NLGN4X: variants seen among roughly 807,000 people sequenced by gnomAD.
The protein encoded by NLGN4X is neuroligin 4 X-linked, also known as neuroligin-4, X-linked.
Under a neutral mutation model 40.3 loss-of-function variants are expected in NLGN4X, and 3 were observed. The observed-to-expected ratio is 0.07, with a 90% CI of 0.03 to 0.19. The LOEUF (loss-of-function observed/expected upper bound fraction) is 0.19, where lower values mean the gene tolerates loss of function less well. Among genes scored for constraint, NLGN4X ranks in the 10% least tolerant of loss-of-function variants. NLGN4X has a pLI of 1.00. For missense variants in NLGN4X, 382 were observed against 708.3 expected (o/e 0.54, Z 5.23); for synonymous variants, 270 against 306.8 (o/e 0.88, Z 1.25).
intron 3 of NLGN4X, among the ~76,000 whole-genome samples, chrX:5,925,879 C>CATATATATATATATAT (rs2033268045): frequency 4.3e-5 from 2 of 46,822 alleles, no homozygotes; most frequent in Non-Finnish European, 7.8e-5. Context: ...TATACATACA[C>CATATATATATATATAT]ACATATATAT....
intron 2 of NLGN4X, among the ~76,000 whole-genome samples, chrX:6,033,602 A>T (rs930400984): frequency 8.9e-6 from 1 of 112,382 alleles, no homozygotes; most frequent in African/African-American, 3.2e-5. Context: ...ATATCATTTG[A>T]AAGTTATTGG....
chrX:6,135,836 G>A (rs1177411592), intron 2 of NLGN4X, among the ~76,000 whole-genome samples: 1 of 111,822 alleles, frequency 8.9e-6, no homozygotes, highest in Non-Finnish European at 1.9e-5. Context: ...ATTCCTAACA[G>A]CAATGATTAG....
intron 2 of NLGN4X, among the ~76,000 whole-genome samples, chrX:6,067,113 C>G (rs775053932): frequency 4.6e-5 from 5 of 109,284 alleles, no homozygotes; most frequent in East Asian, 2.9e-4. Context: ...AGTCCCCCCC[C>G]CAAAACAAAA....
At chrX:6,044,657 G>A (rs901228749) in intron 2 of NLGN4X, among the ~76,000 whole-genome samples, 3 of 110,740 alleles carry the variant, frequency 2.7e-5, no homozygotes, top group Non-Finnish European at 5.7e-5. Context: ...TGTAAAGGAC[G>A]GACTTTGGGT....
chrX:6,142,808 A>C (rs2039975291), intron 2 of NLGN4X, among the ~76,000 whole-genome samples: 1 of 112,492 alleles, frequency 8.9e-6, no homozygotes, highest in Admixed American at 9.4e-5. Context: ...ACATATGCTC[A>C]AAATCCATTT....
At chrX:5,957,482 T>C (rs921588947) in intron 3 of NLGN4X, among the ~76,000 whole-genome samples, 1 of 112,000 alleles carries the variant, frequency 8.9e-6, no homozygotes, top group African/African-American at 3.2e-5. Context: ...ACAAAGACAG[T>C]TGTCATTATA....
intron 1 of NLGN4X, among the ~76,000 whole-genome samples, chrX:6,207,365 A>G (rs1924127510): frequency 8.9e-6 from 1 of 112,134 alleles, no homozygotes. Flanking sequence ...CTTTTCTCCT[A>G]TAATTGGCTG....
intron 3 of NLGN4X, among the ~76,000 whole-genome samples, chrX:6,018,830 A>C (rs2036461397): frequency 8.9e-6 from 1 of 112,331 alleles, no homozygotes; most frequent in South Asian, 3.7e-4. Flanking sequence ...CCGAATCAAC[A>C]CAGACTTTCT....
At chrX:6,169,295 T>C (rs2040557791) in intron 1 of NLGN4X, among the ~76,000 whole-genome samples, 1 of 112,900 alleles carries the variant, frequency 8.9e-6, no homozygotes, top group Non-Finnish European at 1.9e-5. Context: ...TGGGTTCTTA[T>C]TTAACAACAC....
intron 2 of NLGN4X, among the ~76,000 whole-genome samples, chrX:6,119,857 G>A (rs1176618800): frequency 9.0e-6 from 1 of 110,897 alleles, no homozygotes; most frequent in Non-Finnish European, 1.9e-5. Context: ...ATGGAATTAA[G>A]GTACCATTAT....
At chrX:6,021,002 TTCTCTCTCTCTCTCTCTCTCTCTC>T (rs869309615) in intron 3 of NLGN4X, among the ~76,000 whole-genome samples, 1 of 24,123 alleles carries the variant, frequency 4.1e-5, no homozygotes, top group Non-Finnish European at 7.4e-5. Flanking sequence ...CTTCCTTCTT[TTCTCTCTCTCTCTCTCTCTCTCTC>T]TCTCTCTCTC....
intron 2 of NLGN4X, among the ~76,000 whole-genome samples, chrX:6,097,320 G>T (rs1311549167): frequency 9.3e-6 from 1 of 108,085 alleles, no homozygotes; most frequent in East Asian, 2.9e-4. Flanking sequence ...ATATGAATCT[G>T]ACTACAGACT....
chrX:6,005,113 ATTAT>A (rs1205346858), intron 3 of NLGN4X, among the ~76,000 whole-genome samples: 3 of 111,094 alleles, frequency 2.7e-5, no homozygotes, highest in African/African-American at 1.0e-4. Context: ...TTACCTTCAG[ATTAT>A]TTGTTAAAAA....
chrX:6,140,831 A>G (rs967581409), intron 2 of NLGN4X, among the ~76,000 whole-genome samples: 12 of 108,461 alleles, frequency 1.1e-4, no homozygotes, highest in Non-Finnish European at 2.1e-4. Flanking sequence ...ACCCACCTAG[A>G]CCTCCCCAAG....
intron 1 of NLGN4X, among the ~76,000 whole-genome samples, chrX:6,203,556 T>G (rs143420678): frequency 0.084 from 9,436 of 112,075 alleles, 300 homozygotes; most frequent in South Asian, 0.16. Flanking sequence ...GCTTTCACCT[T>G]AGACTCTCTT....
At chrX:6,219,327 C>G (rs536458163) in intron 1 of NLGN4X, among the ~76,000 whole-genome samples, 2 of 105,529 alleles carry the variant, frequency 1.9e-5, no homozygotes, top group African/African-American at 6.9e-5. Flanking sequence ...CCCTTCCTTT[C>G]TTCTTTCCTT....
chrX:6,171,418 G>A (rs116482905), intron 1 of NLGN4X, among the ~76,000 whole-genome samples: 1 of 112,065 alleles, frequency 8.9e-6, no homozygotes, highest in Non-Finnish European at 1.9e-5. Flanking sequence ...GTCCCAGCCT[G>A]CTCTGGGCAT....
At chrX:6,085,220 T>C (rs1393522629) in intron 2 of NLGN4X, among the ~76,000 whole-genome samples, 1 of 110,758 alleles carries the variant, frequency 9.0e-6, no homozygotes, top group Non-Finnish European at 1.9e-5. Flanking sequence ...CCAGGATTCA[T>C]GGAAGAGTGA....
At chrX:6,225,011 T>TATATAC (rs1461463258) in intron 1 of NLGN4X, among the ~76,000 whole-genome samples, 43 of 49,531 alleles carry the variant, frequency 8.7e-4, no homozygotes, top group African/African-American at 3.0e-3. Context: ...TATATATATA[T>TATATAC]ACACACACAC....
Sources: gnomAD v4.1 joint callset for allele counts (sites outside exome capture counted in the v4.1 genomes callset) on GRCh38, gnomAD v4.1.1 for gene constraint, MANE v1.5 for transcripts, NCBI Gene and HGNC (gene_info 2026-07-23, HGNC 2026-07-21) for gene names.